The following TRPM1 variants were observed in gnomAD, a reference collection of about 807,000 sequenced individuals.
TRPM1 encodes the protein TRPM1-203 APA Isoform, Intron 10.
A neutral mutation model predicts 149.4 loss-of-function variants in TRPM1; 113 were observed. That is an observed-to-expected ratio of 0.76 (90% CI 0.65 to 0.88). The LOEUF (loss-of-function observed/expected upper bound fraction) is 0.88. Ranked by LOEUF, TRPM1 falls within the 40% of genes least tolerant of loss-of-function variation. TRPM1 has a pLI of 0.00. For missense variants in TRPM1, 1,976 were observed against 2,038.7 expected (o/e 0.97, Z 0.59); for synonymous variants, 741 against 759.5 (o/e 0.98, Z 0.40).
chr15:31,140,967 G>A (rs369819503), intron 1 of TRPM1, among the ~76,000 whole-genome samples: 28 of 151,766 alleles, frequency 1.8e-4, no homozygotes, highest in African/African-American at 6.8e-4. Context: ...GATAACAGGT[G>A]CGTACCACTG....
upstream of TRPM1, among the ~76,000 whole-genome samples, chr15:31,102,719 T>C (rs986897942): frequency 3.9e-5 from 6 of 152,232 alleles, no homozygotes; most frequent in Admixed American, 3.9e-4. Context: ...CGGAAGCACA[T>C]GTGCCAGGCC....
rs191561791 is a variant in TRPM1 at position 31,157,850 on chromosome 15, G to T, written c.54+3056C>A. Among the ~76,000 whole-genome samples the T allele has an allele frequency of 3.9e-5, 6 of 152,282 alleles. No individual in the cohort carries two copies. The East Asian group carries it at 9.6e-4, about 24-fold the overall frequency. On this transcript the variant is annotated intron_variant, in intron 1 of 26. Transcript: ENST00000542188. ...ATAGAGGGCCAGGCGAGATGACCCT[G>T]GAAGACTCGTACATAGTGCAGTTTG...
At chr15:31,113,523 A>T (rs73375940) in intron 1 of TRPM1, among the ~76,000 whole-genome samples, 10,451 of 152,054 alleles carry the variant, frequency 0.069, 1,256 homozygotes, top group African/African-American at 0.24. Flanking sequence ...CCAAACTGTC[A>T]AAAAACATTT....
chr15:31,061,430 C>T lies in TRPM1; in HGVS notation c.1162+12G>A, dbSNP rs1183285526. On this transcript the variant is annotated intron_variant, in intron 10 of 27. Coordinates refer to ENST00000256552, the MANE Select transcript of TRPM1 (RefSeq NM_001252024.2). ...TCAGAGGGACAGGAGTCACCATTTC[C>T]TGAGAGCTCACCTTTCAGCAGGGCA... The T allele has an allele frequency of 3.1e-6, 5 of 1,613,828 alleles. No individual in the cohort carries two copies. In the African/African-American group the frequency reaches 5.3e-5, roughly 17 times the overall value.
At chr15:31,140,986 T>A (rs1467592705) in intron 1 of TRPM1, among the ~76,000 whole-genome samples, 1 of 151,004 alleles carries the variant, frequency 6.6e-6, no homozygotes, top group Non-Finnish European at 1.5e-5. Flanking sequence ...TGCATCCAGC[T>A]AATTTTTTTT....
intron 27 of TRPM1, among the ~76,000 whole-genome samples, chr15:31,021,558 T>C (rs1232300115): frequency 6.6e-6 from 1 of 151,940 alleles, no homozygotes; most frequent in African/African-American, 2.4e-5. Flanking sequence ...TAGCTGGGTG[T>C]GGTGGTGCAC....
intron 10 of TRPM1, 38 bp downstream of exon 10, chr15:31,061,404 A>G (rs1316794823): frequency 1.9e-6 from 3 of 1,603,446 alleles, no homozygotes; most frequent in Admixed American, 1.7e-5. Context: ...CTAGGCCAAC[A>G]TCAGAGGGAC....
At chr15:31,117,869 G>A (rs534868734) in intron 1 of TRPM1, among the ~76,000 whole-genome samples, 11 of 152,248 alleles carry the variant, frequency 7.2e-5, no homozygotes, top group African/African-American at 2.6e-4. Flanking sequence ...TAATTAATGA[G>A]TTTGAAGATG....
chr15:31,088,779 A>G (rs1391126970), intron 1 of TRPM1, among the ~76,000 whole-genome samples: 2 of 143,518 alleles, frequency 1.4e-5, no homozygotes, highest in East Asian at 2.2e-4. Flanking sequence ...CCATGGTATC[A>G]AACACCTGAA....
chr15:31,066,539 G>A (rs1167121935), intron 6 of TRPM1, among the ~76,000 whole-genome samples: 1 of 152,138 alleles, frequency 6.6e-6, no homozygotes, highest in African/African-American at 2.4e-5. Flanking sequence ...TACTTTACTT[G>A]TAACAGCCAA....
At chr15:31,072,417 T>C (rs2034583658) in intron 3 of TRPM1, among the ~76,000 whole-genome samples, 1 of 152,172 alleles carries the variant, frequency 6.6e-6, no homozygotes, top group African/African-American at 2.4e-5. Flanking sequence ...GTTTATCTAT[T>C]TATCATTTAA....
chr15:31,129,339 G>A lies in TRPM1; in HGVS notation c.54+31567C>T, dbSNP rs554988860. 5.9e-5 allele frequency among the ~76,000 whole-genome samples: 9 copies of A among 152,284 alleles called. No homozygotes were observed. The South Asian group carries it at 1.9e-3, about 32-fold the overall frequency. Reference sequence around the variant, plus strand: ...CGCAGATCTGTCCAGTAAGGGACCCGGGCCGCCTGGCCCTTTCCACTTTGG... The same window carrying A: ...CGCAGATCTGTCCAGTAAGGGACCCAGGCCGCCTGGCCCTTTCCACTTTGG... On this transcript the variant is annotated intron_variant, in intron 1 of 26. Coordinates refer to the TRPM1 transcript ENST00000542188.
chr15:31,097,679 T>C (rs192886973), intron 1 of TRPM1, among the ~76,000 whole-genome samples: 53 of 152,116 alleles, frequency 3.5e-4, no homozygotes, highest in Admixed American at 3.5e-3. Flanking sequence ...ACGTCTCCAT[T>C]ATGAATTGAA....
chr15:31,124,949 G>A (rs553684535), intron 1 of TRPM1, among the ~76,000 whole-genome samples: 7 of 152,048 alleles, frequency 4.6e-5, no homozygotes, highest in South Asian at 2.1e-4. Context: ...CGAGGTGGGC[G>A]GATCACCTGA....
chr15:31,046,251 A>G lies in TRPM1; in HGVS notation c.1765-18T>C. On this transcript the variant is annotated intron_variant, in intron 15 of 27. Transcript: ENST00000256552. Reference sequence around the variant, plus strand: ...GCTTTAGGCTGCATGGTGAAAGAGGAAGAAAAAAAATCAATTTACTTAGAT... The same window carrying G: ...GCTTTAGGCTGCATGGTGAAAGAGGGAGAAAAAAAATCAATTTACTTAGAT... The G allele has an allele frequency of 1.9e-6, 3 of 1,610,068 alleles. No homozygotes were observed. Among genetic ancestry groups the G allele is most frequent in the Non-Finnish European group, 2.5e-6 (3 of 1,179,300 alleles).
intron 1 of TRPM1, among the ~76,000 whole-genome samples, chr15:31,106,810 G>A (rs2035613487): frequency 6.6e-6 from 1 of 152,144 alleles, no homozygotes; most frequent in Non-Finnish European, 1.5e-5. Context: ...TGAGATTGCT[G>A]GGATTAAGGG....
At chr15:31,046,154 GT>G (rs753302860) in intron 16 of TRPM1, 49 bp downstream of exon 16, 1 of 1,576,454 alleles carries the variant, frequency 6.3e-7, no homozygotes, top group Non-Finnish European at 8.7e-7. Context: ...AAAGGGCTAT[GT>G]ATATTTGACC....
intron 11 of TRPM1, among the ~76,000 whole-genome samples, chr15:31,060,036 A>G (rs1395778698): frequency 6.6e-6 from 1 of 151,966 alleles, no homozygotes; most frequent in Non-Finnish European, 1.5e-5. Context: ...ACCCATGGCC[A>G]CACACATTAC....
At chr15:31,145,318 G>GT (rs1567078743) in intron 1 of TRPM1, among the ~76,000 whole-genome samples, 1 of 151,230 alleles carries the variant, frequency 6.6e-6, no homozygotes, top group Non-Finnish European at 1.5e-5. Flanking sequence ...CAAGATGGCA[G>GT]AAGAAGACTC....
Sources: allele counts gnomAD v4.1 joint callset (sites outside exome capture counted in the v4.1 genomes callset), GRCh38; gene constraint gnomAD v4.1.1; transcripts MANE v1.5; gene names NCBI Gene and HGNC (gene_info 2026-07-23, HGNC 2026-07-21).